The following DYM variants were observed in gnomAD, a reference collection of about 807,000 sequenced individuals.
The protein encoded by DYM is dymeclin.
DYM carries 78 observed loss-of-function variants against 93.1 expected under a neutral mutation model. The observed-to-expected ratio is 0.84, with a 90% CI of 0.70 to 1.01. The LOEUF (loss-of-function observed/expected upper bound fraction) is 1.01, where lower values mean the gene tolerates loss of function less well. DYM is among the 50% of genes least tolerant of loss of function. The probability of loss-of-function intolerance (pLI) is 0.00; values close to 1 mark genes in which losing one functional copy is unlikely to be tolerated. For missense variants in DYM, 789 were observed against 845.0 expected, an observed-to-expected ratio of 0.93 and a Z score of 0.82; for synonymous variants, 321 against 319.7, an observed-to-expected ratio of 1.00 and a Z score of -0.04.
chr18:49,169,738 T>C (rs904235411), intron 14 of DYM, among the ~76,000 whole-genome samples: 2 of 152,076 alleles, frequency 1.3e-5, no homozygotes, highest in African/African-American at 4.8e-5. Context: ...GAACCGAAGG[T>C]TGAAAACCAC....
At chr18:49,365,126 T>C (rs1228965299) in intron 5 of DYM, among the ~76,000 whole-genome samples, 1 of 152,020 alleles carries the variant, frequency 6.6e-6, no homozygotes, top group African/African-American at 2.4e-5. Flanking sequence ...ATCCAGCAGT[T>C]AATTGCAAAG....
chr18:49,169,831 G>C (rs572532042), intron 14 of DYM, among the ~76,000 whole-genome samples: 1 of 152,182 alleles, frequency 6.6e-6, no homozygotes, highest in Non-Finnish European at 1.5e-5. Context: ...AGGATGGACA[G>C]GAGATGACAA....
chr18:49,323,627 G>C (rs1040151951), intron 8 of DYM, among the ~76,000 whole-genome samples: 13 of 152,140 alleles, frequency 8.5e-5, no homozygotes, highest in Non-Finnish European at 1.3e-4. Flanking sequence ...GTGGACATCT[G>C]CAAGTCAGGA....
chr18:49,349,105 G>A (rs2064888905), intron 6 of DYM, among the ~76,000 whole-genome samples: 1 of 152,108 alleles, frequency 6.6e-6, no homozygotes, highest in African/African-American at 2.4e-5. Context: ...CTACTGGTGA[G>A]GCTGAGGCAT....
chr18:49,356,454 T>A lies in DYM; in HGVS notation c.494+6707A>T, dbSNP rs562669781. Reference sequence around the variant, plus strand: ...GCCTAATTCATTCAGAAAGCTATACTGGATGTTTGCCTTGCAACACCTAAA... The same window carrying A: ...GCCTAATTCATTCAGAAAGCTATACAGGATGTTTGCCTTGCAACACCTAAA... On this transcript the variant is annotated intron_variant, in intron 6 of 17. Coordinates refer to ENST00000675505, the MANE Select transcript of DYM (RefSeq NM_001353214.3). Among the ~76,000 whole-genome samples the A allele has an allele frequency of 7.2e-5, 11 of 152,326 alleles. No individual in the cohort carries two copies. In the East Asian group the frequency reaches 2.1e-3, roughly 29 times the overall value.
chr18:49,385,657 T>G (rs1474465308), intron 3 of DYM, among the ~76,000 whole-genome samples: 4 of 151,572 alleles, frequency 2.6e-5, no homozygotes, highest in Non-Finnish European at 1.5e-5. Context: ...ATCACACCAT[T>G]GCACTCCAGC....
intron 11 of DYM, among the ~76,000 whole-genome samples, chr18:49,270,887 A>G (rs951460346): frequency 9.9e-5 from 15 of 152,282 alleles, no homozygotes; most frequent in African/African-American, 2.9e-4. Flanking sequence ...CTGTACCCTT[A>G]TAAAGAGTGA....
intron 2 of DYM, among the ~76,000 whole-genome samples, chr18:49,425,634 CA>C (rs1286698703): frequency 9.9e-5 from 15 of 152,262 alleles, no homozygotes; most frequent in Admixed American, 2.0e-4. Context: ...AAAATTTTTG[CA>C]ATCTACCCAT....
chr18:49,327,488 C>A (rs1023351380), intron 8 of DYM, among the ~76,000 whole-genome samples: 1 of 151,950 alleles, frequency 6.6e-6, no homozygotes, highest in Non-Finnish European at 1.5e-5. Flanking sequence ...TCCTAAGTAG[C>A]GGGGTCTGCA....
chr18:49,196,212 C>T (rs2091436962), intron 14 of DYM, among the ~76,000 whole-genome samples: 1 of 152,094 alleles, frequency 6.6e-6, no homozygotes, highest in Admixed American at 6.5e-5. Context: ...AGGTGTGAGC[C>T]ACTGCACTGC....
In DYM at chr18:49,093,234, A is replaced by C. The variant is rs577956615; in HGVS notation, c.2025+4168T>G. On this transcript the variant is annotated intron_variant, in intron 17 of 17. Transcript: ENST00000675505. Reference sequence around the variant, plus strand: ...CGGCTCACCTGACAGACAAGCCATGAAACTGTGAGAACCCAGAAGCTGCAT... The same window carrying C: ...CGGCTCACCTGACAGACAAGCCATGCAACTGTGAGAACCCAGAAGCTGCAT... 3.3e-5 allele frequency: 5 copies of C among 152,332 alleles called. No individual in the cohort carries two copies. In the South Asian group the frequency reaches 1.0e-3, roughly 32 times the overall value. 9.4% of individuals were successfully genotyped at this position (152,332 alleles called of 1,614,324 possible).
chr18:49,333,041 A>G (rs376795553), intron 7 of DYM, among the ~76,000 whole-genome samples: 35 of 152,366 alleles, frequency 2.3e-4, no homozygotes, highest in African/African-American at 7.7e-4. Flanking sequence ...TAATCAGGGT[A>G]GCAAAAAGAA....
chr18:49,139,996 C>T (rs1293509217), intron 15 of DYM, among the ~76,000 whole-genome samples: 4 of 152,106 alleles, frequency 2.6e-5, no homozygotes, highest in East Asian at 1.9e-4. Context: ...ATTTAATTTG[C>T]GTGCTTTTAT....
intron 13 of DYM, among the ~76,000 whole-genome samples, chr18:49,244,345 G>A (rs1256079283): frequency 6.6e-6 from 1 of 152,172 alleles, no homozygotes; most frequent in African/African-American, 2.4e-5. Context: ...TTTTCAGTCA[G>A]TAACTACTGA....
chr18:49,298,886 A>G (rs1412285907), intron 8 of DYM, among the ~76,000 whole-genome samples: 1 of 152,242 alleles, frequency 6.6e-6, no homozygotes, highest in Non-Finnish European at 1.5e-5. Context: ...GTATTTTAAA[A>G]TGTGAAGCAT....
intron 13 of DYM, among the ~76,000 whole-genome samples, chr18:49,235,467 A>T (rs1439854662): frequency 1.0e-4 from 3 of 28,654 alleles, no homozygotes; most frequent in Non-Finnish European, 6.3e-4. Context: ...AAAAAATTTA[A>T]AAATAGATGT....
At chr18:49,179,560 T>A (rs2089717927) in intron 14 of DYM, among the ~76,000 whole-genome samples, 1 of 152,156 alleles carries the variant, frequency 6.6e-6, no homozygotes, top group African/African-American at 2.4e-5. Context: ...GTTGTGATGA[T>A]GATGATGATG....
intron 17 of DYM, among the ~76,000 whole-genome samples, chr18:49,050,217 G>T (rs2072233047): frequency 6.6e-6 from 1 of 151,472 alleles, no homozygotes; most frequent in African/African-American, 2.4e-5. Context: ...CTCCCTAGTA[G>T]CTGGGATTAC....
At chr18:49,253,969 A>G (rs1246467982) in intron 13 of DYM, among the ~76,000 whole-genome samples, 1 of 152,036 alleles carries the variant, frequency 6.6e-6, no homozygotes, top group Non-Finnish European at 1.5e-5. Context: ...TGTGATCCCC[A>G]TAGAGGTCCA....
Sources: gnomAD v4.1 joint callset for allele counts (sites outside exome capture counted in the v4.1 genomes callset) on GRCh38, gnomAD v4.1.1 for gene constraint, MANE v1.5 for transcripts, NCBI Gene and HGNC (gene_info 2026-07-23, HGNC 2026-07-21) for gene names.